CATSPERB: variants seen among roughly 807,000 people sequenced by gnomAD.
CATSPERB encodes the protein catsper channel auxiliary subunit beta.
A neutral mutation model predicts 128.3 loss-of-function variants in CATSPERB; 93 were observed. The observed-to-expected ratio is 0.72, with a 90% CI of 0.61 to 0.86. The LOEUF is 0.86. Among genes scored for constraint, CATSPERB ranks in the 40% least tolerant of loss-of-function variants. CATSPERB has a pLI of 0.00. For synonymous variants in CATSPERB, 381 were observed against 448.8 expected (o/e 0.85, Z 1.91); for missense variants, 1,153 against 1,329.5 (o/e 0.87, Z 2.06).
Position 91,693,166 on chromosome 14 carries a change from AC to A in CATSPERB, c.790del (p.Val264Ter). ...TGATGGATAACGAAGATCTTCACTT[AC>A]AAAAAGGCCCAAAGAGGTGAGGATA... is the stretch of plus-strand genomic sequence containing the variant. The part of the protein sequence containing the change: ...LVILTSLGLF[V>X]SEDLRYPSRH... On this transcript the variant is annotated frameshift_variant, in exon 9 of 27. Coordinates refer to ENST00000256343, the MANE Select transcript of CATSPERB (RefSeq NM_024764.4). LOFTEE classifies it high-confidence loss of function. 6.2e-7 allele frequency: 1 copy of A among 1,613,878 alleles called. No individual in the cohort carries two copies. Among genetic ancestry groups the A allele is most frequent in the Non-Finnish European group, 8.5e-7 (1 of 1,179,860 alleles).
At chr14:91,608,872 T>C (rs1418313943) in intron 21 of CATSPERB, among the ~76,000 whole-genome samples, 1 of 152,188 alleles carries the variant, frequency 6.6e-6, no homozygotes, top group Non-Finnish European at 1.5e-5. Flanking sequence ...ACACAGGGGT[T>C]AGGGGTGCAG....
chr14:91,656,460 C>T (rs1894789780), intron 15 of CATSPERB, among the ~76,000 whole-genome samples: 1 of 151,642 alleles, frequency 6.6e-6, no homozygotes, highest in Non-Finnish European at 1.5e-5. Flanking sequence ...AACAGATATG[C>T]AAAAAATAAA....
At chr14:91,603,374 T>C in intron 22 of CATSPERB, 3 of 1,609,854 alleles carry the variant, frequency 1.9e-6, no homozygotes, top group Non-Finnish European at 2.5e-6. Context: ...CTTTGCTAAA[T>C]CCAACAGCCT....
chr14:91,583,679 G>A (rs992120614), intron 26 of CATSPERB, among the ~76,000 whole-genome samples: 1 of 152,036 alleles, frequency 6.6e-6, no homozygotes, highest in South Asian at 2.1e-4. Flanking sequence ...ACTTTAATTT[G>A]TGTTTTTAAG....
At chr14:91,591,469 G>T (rs1216881611) in intron 23 of CATSPERB, among the ~76,000 whole-genome samples, 3 of 151,956 alleles carry the variant, frequency 2.0e-5, no homozygotes, top group Non-Finnish European at 4.4e-5. Flanking sequence ...ATTTGTGACT[G>T]TCAGCAGGCT....
At chr14:91,640,383 A>C (rs1894471669) in intron 15 of CATSPERB, among the ~76,000 whole-genome samples, 2 of 79,590 alleles carry the variant, frequency 2.5e-5, no homozygotes, top group Non-Finnish European at 2.4e-5. Flanking sequence ...TCCCAATGCT[A>C]TCCCTCCCCC....
chr14:91,721,330 A>G (rs1896025197), intron 4 of CATSPERB, among the ~76,000 whole-genome samples: 1 of 152,224 alleles, frequency 6.6e-6, no homozygotes, highest in Admixed American at 6.5e-5. Flanking sequence ...CATATGTCTG[A>G]TAAGAGACTT....
At chr14:91,696,682 T>A (rs1168201012) in intron 7 of CATSPERB, among the ~76,000 whole-genome samples, 1 of 152,184 alleles carries the variant, frequency 6.6e-6, no homozygotes, top group Non-Finnish European at 1.5e-5. Flanking sequence ...TATGTCTCTA[T>A]CCTAACGGAT....
intron 15 of CATSPERB, among the ~76,000 whole-genome samples, chr14:91,649,274 G>A (rs1242270320): frequency 2.0e-5 from 3 of 151,736 alleles, no homozygotes; most frequent in Admixed American, 6.6e-5. Context: ...CTATTTTTAT[G>A]GGTTATTCTG....
At chr14:91,685,576 G>A (rs1895359975) in intron 10 of CATSPERB, among the ~76,000 whole-genome samples, 1 of 152,136 alleles carries the variant, frequency 6.6e-6, no homozygotes, top group Non-Finnish European at 1.5e-5. Flanking sequence ...GCTAGTCTGG[G>A]GGCTCAACAG....
At chr14:91,723,371 A>G (rs904493705) in intron 3 of CATSPERB, among the ~76,000 whole-genome samples, 182 bp from the exon 4 acceptor site, 1 of 152,134 alleles carries the variant, frequency 6.6e-6, no homozygotes, top group Non-Finnish European at 1.5e-5. Flanking sequence ...TTTCATCTTA[A>G]TAATAATCTT....
chr14:91,651,073 T>A (rs1894696898), intron 15 of CATSPERB, among the ~76,000 whole-genome samples: 1 of 152,242 alleles, frequency 6.6e-6, no homozygotes, highest in South Asian at 2.1e-4. Context: ...ACTCTCAGAC[T>A]TTCTCTTTCC....
chr14:91,626,359 C>CTTTTTTT lies in CATSPERB; in HGVS notation c.1743-1359_1743-1353dup, dbSNP rs71120179. Among the ~76,000 whole-genome samples, 11 of 76,830 alleles carry CTTTTTTT rather than the reference C, an allele frequency of 1.4e-4. 1 individual carries two copies. The highest frequency in any genetic ancestry group is 5.8e-4 in the South Asian group (1 of 1,714). The allele number at this position is 76,830 out of a possible 152,430, so 50.4% of individuals were successfully genotyped here. A position where few individuals can be genotyped will look rare whatever the true frequency, so the allele number is the denominator to read the frequency against. The stretch of plus-strand genomic sequence containing the variant: ...AATGCAAGAGTGTTGAGAGGTGGGA[C>CTTTTTTT]TTTTTTTTTTTTTTTTTTTTTTTTG... On this transcript the variant is annotated intron_variant, in intron 17 of 26. Coordinates refer to ENST00000256343, the MANE Select transcript of CATSPERB (RefSeq NM_024764.4).
In CATSPERB at chr14:91,608,336, A is replaced by C; in HGVS notation, c.2667T>G (p.Asp889Glu). Residue 889 changes from aspartate (D) to glutamate (E), a missense_variant, in exon 22 of 27, where the codon GAT becomes GAG. By Grantham distance (45) the Asp-to-Glu change is conservative (BLOSUM62 2). Transcript: ENST00000256343. The part of the protein sequence containing the change: ...IPLTDNFYHA[D>E]PSKPIPRNMF... Reference sequence around the variant, plus strand: ...TGTTTCTTGGTATGGGTTTGCTAGGATCTGCATGATAAAAATTATCTGTGA... The same window carrying C: ...TGTTTCTTGGTATGGGTTTGCTAGGCTCTGCATGATAAAAATTATCTGTGA... 6.2e-7 allele frequency: 1 copy of C among 1,612,934 alleles called. No homozygotes were observed. Among genetic ancestry groups the C allele is most frequent in the Non-Finnish European group, 8.5e-7 (1 of 1,179,072 alleles).
rs747887662 is a variant in CATSPERB at position 91,608,376 on chromosome 14, C to T, written c.2627G>A (p.Gly876Glu). The T allele has an allele frequency of 1.2e-6, 2 of 1,607,790 alleles. No individual in the cohort carries two copies. Among genetic ancestry groups the T allele is most frequent in the African/African-American group, 2.7e-5 (2 of 74,770 alleles). ...PINYRPPSNM[G>E]IAIPLTDNFY... ...ATTATCTGTGAGTGGAATAGCAATT[C>T]CCATATTAGATGGAGGCCTGTAGTT... Residue 876 changes from glycine to glutamate, a missense_variant, in exon 22 of 27, where the codon GGA becomes GAA. By Grantham distance (98) the Gly-to-Glu change is moderately conservative. Coordinates refer to ENST00000256343, the MANE Select transcript of CATSPERB (RefSeq NM_024764.4).
At chr14:91,587,939 C>G in intron 25 of CATSPERB, 39 bp downstream of exon 25, 1 of 1,312,488 alleles carries the variant, frequency 7.6e-7, no homozygotes, top group Non-Finnish European at 1.1e-6. Flanking sequence ...CATGTTTTAT[C>G]TAAACTCAAC....
intron 5 of CATSPERB, among the ~76,000 whole-genome samples, chr14:91,710,988 T>G (rs1510220): frequency 6.6e-6 from 1 of 152,146 alleles, no homozygotes; most frequent in African/African-American, 2.4e-5. Context: ...CCATTCTGGA[T>G]GTAGCATATA....
chr14:91,647,885 G>T (rs142163557), intron 15 of CATSPERB, among the ~76,000 whole-genome samples: 252 of 152,210 alleles, frequency 1.7e-3, no homozygotes, highest in Non-Finnish European at 3.0e-3. Flanking sequence ...AGCTTTTCAG[G>T]TTATCAATTT....
intron 10 of CATSPERB, among the ~76,000 whole-genome samples, chr14:91,684,605 CTTTTTTT>C (rs1160778932): frequency 1.8e-5 from 2 of 112,344 alleles, no homozygotes; most frequent in South Asian, 3.0e-4. Context: ...GGAGACACTT[CTTTTTTT>C]TTTTTTTTTT....
Sources: allele counts gnomAD v4.1 joint callset (sites outside exome capture counted in the v4.1 genomes callset), GRCh38; gene constraint gnomAD v4.1.1; transcripts MANE v1.5; gene names NCBI Gene and HGNC (gene_info 2026-07-23, HGNC 2026-07-21).